GABRB1: variants seen among roughly 807,000 people sequenced by gnomAD.
GABRB1 encodes gamma-aminobutyric acid type A receptor subunit beta1, also known as gamma-aminobutyric acid receptor subunit beta-1.
A neutral mutation model predicts 51.6 loss-of-function variants in GABRB1; 17 were observed. The observed-to-expected ratio is 0.33, with a 90% CI of 0.23 to 0.49. The LOEUF is 0.49. Ranked by LOEUF, GABRB1 falls within the 20% of genes least tolerant of loss-of-function variation. The probability of loss-of-function intolerance (pLI) is 0.99; values close to 1 mark genes in which losing one functional copy is unlikely to be tolerated. For synonymous variants in GABRB1, 247 were observed against 218.9 expected (o/e 1.13, Z -1.14); for missense variants, 410 against 600.6 (o/e 0.68, Z 3.32).
intron 3 of GABRB1, among the ~76,000 whole-genome samples, chr4:47,070,112 T>A (rs978492905): frequency 6.6e-6 from 1 of 151,868 alleles, no homozygotes; most frequent in South Asian, 2.1e-4. Context: ...CTCGGCTCAC[T>A]GCAACCTCCG....
intron 5 of GABRB1, among the ~76,000 whole-genome samples, chr4:47,361,935 T>C (rs977335130): frequency 2.0e-5 from 3 of 151,984 alleles, no homozygotes; most frequent in Non-Finnish European, 4.4e-5. Flanking sequence ...ACATGTACAT[T>C]TGGAAGTTAT....
intron 3 of GABRB1, among the ~76,000 whole-genome samples, chr4:47,115,665 A>G (rs1222766314): frequency 6.6e-6 from 1 of 152,116 alleles, no homozygotes; most frequent in Non-Finnish European, 1.5e-5. Context: ...CATTGAAAAA[A>G]AGTGCATATT....
At chr4:47,119,782 T>A (rs558207431) in intron 3 of GABRB1, among the ~76,000 whole-genome samples, 1 of 152,118 alleles carries the variant, frequency 6.6e-6, no homozygotes, top group Non-Finnish European at 1.5e-5. Flanking sequence ...GTGCTAGGAT[T>A]ACCAGGGTGA....
intron 3 of GABRB1, among the ~76,000 whole-genome samples, chr4:47,127,563 A>T (rs1320550963): frequency 6.6e-6 from 1 of 151,776 alleles, no homozygotes; most frequent in Admixed American, 6.6e-5. Context: ...ATTAGCCATT[A>T]AAGTGATTTG....
chr4:47,222,479 C>T (rs962856798), intron 4 of GABRB1, among the ~76,000 whole-genome samples: 4 of 152,036 alleles, frequency 2.6e-5, no homozygotes, highest in Non-Finnish European at 5.9e-5. Flanking sequence ...GTTTGAAATG[C>T]ATCTCTGCAT....
intron 1 of GABRB1, among the ~76,000 whole-genome samples, chr4:47,017,522 T>A (rs1724785374): frequency 6.6e-6 from 1 of 151,904 alleles, no homozygotes; most frequent in East Asian, 1.9e-4. Context: ...AAAGGCTAAA[T>A]CCAAATAAAG....
chr4:47,420,327 A>T (rs895965316), intron 8 of GABRB1, among the ~76,000 whole-genome samples: 1 of 152,170 alleles, frequency 6.6e-6, no homozygotes, highest in Non-Finnish European at 1.5e-5. Flanking sequence ...GAAGTTGTAC[A>T]TGTTCCTCCC....
chr4:47,289,560 T>C (rs1723648478), intron 4 of GABRB1, among the ~76,000 whole-genome samples: 1 of 152,238 alleles, frequency 6.6e-6, no homozygotes, highest in Non-Finnish European at 1.5e-5. Flanking sequence ...GGTATTTGAT[T>C]TGATTTCTGC....
chr4:47,123,082 C>A (rs1189075214), intron 3 of GABRB1, among the ~76,000 whole-genome samples: 2 of 151,920 alleles, frequency 1.3e-5, no homozygotes, highest in Non-Finnish European at 2.9e-5. Flanking sequence ...AACTCATTTT[C>A]TCTTGAATTA....
At chr4:47,032,086 A>AAAG in intron 2 of GABRB1, 81 bp downstream of exon 2, 1 of 634,666 alleles carries the variant, frequency 1.6e-6, no homozygotes, top group Non-Finnish European at 2.5e-6. Context: ...AAAAAAAAAA[A>AAAG]GAAAAGGCAT....
chr4:47,289,976 T>C (rs772220476), intron 4 of GABRB1, among the ~76,000 whole-genome samples: 1 of 152,234 alleles, frequency 6.6e-6, no homozygotes, highest in Non-Finnish European at 1.5e-5. Context: ...GTACAGGATC[T>C]GCAAAAGCAG....
At chr4:47,075,486 C>T (rs1041539485) in intron 3 of GABRB1, among the ~76,000 whole-genome samples, 5 of 133,598 alleles carry the variant, frequency 3.7e-5, no homozygotes, top group Non-Finnish European at 8.2e-5. Context: ...ACAAGTGAAT[C>T]AAATGTTAAA....
intron 5 of GABRB1, among the ~76,000 whole-genome samples, chr4:47,330,632 T>C (rs913701811): frequency 2.6e-5 from 4 of 152,042 alleles, no homozygotes; most frequent in African/African-American, 9.7e-5. Flanking sequence ...CCAGAAATAA[T>C]ATAGAAGACA....
intron 8 of GABRB1, among the ~76,000 whole-genome samples, chr4:47,422,091 A>G (rs962835054): frequency 6.6e-6 from 1 of 152,114 alleles, no homozygotes; most frequent in African/African-American, 2.4e-5. Flanking sequence ...ATTATTCTCA[A>G]TGACCTTCAC....
At chr4:47,291,349 A>AG (rs1723722745) in intron 4 of GABRB1, among the ~76,000 whole-genome samples, 1 of 152,254 alleles carries the variant, frequency 6.6e-6, no homozygotes, top group African/African-American at 2.4e-5. Context: ...CTGGATGCCC[A>AG]GGCAGAAGTT....
chr4:47,038,995 A>C (rs1231797581), intron 3 of GABRB1, among the ~76,000 whole-genome samples: 1 of 152,144 alleles, frequency 6.6e-6, no homozygotes, highest in African/African-American at 2.4e-5. Context: ...CATTTCATGA[A>C]GTTCCTTGAC....
intron 4 of GABRB1, among the ~76,000 whole-genome samples, chr4:47,176,697 A>G (rs1418401287): frequency 6.6e-6 from 1 of 152,096 alleles, no homozygotes; most frequent in Non-Finnish European, 1.5e-5. Flanking sequence ...TCCAATGTCA[A>G]GAAAAAGGAG....
chr4:47,020,992 C>G (rs1330845551), intron 1 of GABRB1, among the ~76,000 whole-genome samples: 1 of 152,168 alleles, frequency 6.6e-6, no homozygotes, highest in Non-Finnish European at 1.5e-5. Context: ...GTTGGTAGTG[C>G]TCTTTGTCAA....
intron 8 of GABRB1, among the ~76,000 whole-genome samples, chr4:47,415,429 C>A (rs183978151): frequency 6.6e-6 from 1 of 152,044 alleles, no homozygotes; most frequent in Admixed American, 6.5e-5. Context: ...AGCTCTTTGA[C>A]CCTAGCACAA....
Sources: allele counts gnomAD v4.1 joint callset (sites outside exome capture counted in the v4.1 genomes callset), GRCh38; gene constraint gnomAD v4.1.1; transcripts MANE v1.5; gene names NCBI Gene and HGNC (gene_info 2026-07-23, HGNC 2026-07-21).